Variants in CNTNAP5 observed in about 807,000 individuals in gnomAD.
CNTNAP5 encodes the protein contactin-associated protein-like 5.
In CNTNAP5, 72 loss-of-function variants were observed where a neutral mutation model predicts 150.2. The ratio of observed to expected loss-of-function variants is 0.48; its 90% CI spans 0.40 to 0.58. The LOEUF is 0.58. CNTNAP5 is among the 20% of genes least tolerant of loss of function. The pLI is 0.00. For missense variants in CNTNAP5, 1,636 were observed against 1,626.2 expected (o/e 1.01, Z -0.10); for synonymous variants, 672 against 619.8 (o/e 1.08, Z -1.25).
intron 10 of CNTNAP5, among the ~76,000 whole-genome samples, chr2:124,538,841 C>G (rs1695309289): frequency 1.3e-5 from 2 of 152,280 alleles, no homozygotes; most frequent in Non-Finnish European, 2.9e-5. Flanking sequence ...TAAAGAGATT[C>G]CTTGGTATTG....
At chr2:124,719,971 T>C (rs983025811) in intron 13 of CNTNAP5, among the ~76,000 whole-genome samples, 1 of 152,056 alleles carries the variant, frequency 6.6e-6, no homozygotes, top group African/African-American at 2.4e-5. Context: ...GGGAAAGCCA[T>C]GGAGAAAGAA....
intron 5 of CNTNAP5, among the ~76,000 whole-genome samples, chr2:124,437,723 T>C (rs1341383661): frequency 2.0e-5 from 3 of 152,104 alleles, no homozygotes; most frequent in Non-Finnish European, 4.4e-5. Flanking sequence ...ATAACATCCA[T>C]GATCAGGATT....
At chr2:124,085,632 T>C (rs1281174094) in intron 1 of CNTNAP5, among the ~76,000 whole-genome samples, 1 of 152,220 alleles carries the variant, frequency 6.6e-6, no homozygotes, top group Non-Finnish European at 1.5e-5. Flanking sequence ...TTCTAGTGCA[T>C]GCAGTTAGTC....
intron 13 of CNTNAP5, among the ~76,000 whole-genome samples, chr2:124,674,509 C>CTCTCTCTTTCTT (rs1678892533): frequency 8.7e-6 from 1 of 115,366 alleles, no homozygotes; most frequent in Non-Finnish European, 1.8e-5. Context: ...TTCTTTCTTT[C>CTCTCTCTTTCTT]TCTTTCTTTC....
At chr2:124,540,407 A>C (rs759716291) in intron 10 of CNTNAP5, among the ~76,000 whole-genome samples, 7 of 152,220 alleles carry the variant, frequency 4.6e-5, no homozygotes, top group Non-Finnish European at 1.0e-4. Flanking sequence ...ATGTGTTCAC[A>C]TGCAATATGA....
At chr2:124,267,602 GAT>G (rs1328007304) in intron 3 of CNTNAP5, among the ~76,000 whole-genome samples, 5 of 152,054 alleles carry the variant, frequency 3.3e-5, no homozygotes, top group African/African-American at 4.8e-5. Flanking sequence ...TATCAATTTT[GAT>G]TAAATTAGGG....
At chr2:124,041,178 C>T (rs1270568282) in intron 1 of CNTNAP5, among the ~76,000 whole-genome samples, 2 of 152,164 alleles carry the variant, frequency 1.3e-5, no homozygotes, top group Non-Finnish European at 2.9e-5. Context: ...GGGGAGAATG[C>T]ATAACTCTAT....
At chr2:124,362,860 A>G (rs1384787128) in intron 3 of CNTNAP5, among the ~76,000 whole-genome samples, 1 of 152,126 alleles carries the variant, frequency 6.6e-6, no homozygotes, top group East Asian at 1.9e-4. Context: ...ACTACATTCT[A>G]TTTTTTTGTT....
At chr2:124,215,258 T>C (rs1686124190) in intron 1 of CNTNAP5, among the ~76,000 whole-genome samples, 1 of 152,190 alleles carries the variant, frequency 6.6e-6, no homozygotes, top group Admixed American at 6.5e-5. Context: ...CAATTTACCG[T>C]GGTAATCAAG....
At chr2:124,456,101 A>G (rs1163217802) in intron 6 of CNTNAP5, among the ~76,000 whole-genome samples, 1 of 152,222 alleles carries the variant, frequency 6.6e-6, no homozygotes, top group Non-Finnish European at 1.5e-5. Context: ...AGTGCATCCA[A>G]AACAGTAAAA....
intron 6 of CNTNAP5, among the ~76,000 whole-genome samples, chr2:124,447,534 T>G (rs1692851732): frequency 6.6e-6 from 1 of 152,188 alleles, no homozygotes; most frequent in African/African-American, 2.4e-5. Context: ...AAGGAATGCA[T>G]GTTGTGCCCC....
chr2:124,463,767 C>A (rs1381729667), intron 6 of CNTNAP5, among the ~76,000 whole-genome samples: 9 of 152,146 alleles, frequency 5.9e-5, no homozygotes, highest in African/African-American at 2.2e-4. Context: ...TAGCCTGGGA[C>A]TTTTCATTGA....
At chr2:124,148,925 T>C (rs936643625) in intron 1 of CNTNAP5, among the ~76,000 whole-genome samples, 2 of 152,040 alleles carry the variant, frequency 1.3e-5, no homozygotes, top group Non-Finnish European at 2.9e-5. Flanking sequence ...CACACATATA[T>C]GTATGTATAT....
intron 1 of CNTNAP5, among the ~76,000 whole-genome samples, chr2:124,139,726 C>G (rs113858805): frequency 6.6e-6 from 1 of 151,908 alleles, no homozygotes; most frequent in Non-Finnish European, 1.5e-5. Context: ...ATTCTGTGCC[C>G]GATCATTGTT....
chr2:124,223,120 G>T (rs1686367778), intron 2 of CNTNAP5, among the ~76,000 whole-genome samples: 1 of 152,148 alleles, frequency 6.6e-6, no homozygotes, highest in Non-Finnish European at 1.5e-5. Flanking sequence ...TTACCTTCAG[G>T]TAGGGTTCCT....
intron 10 of CNTNAP5, among the ~76,000 whole-genome samples, chr2:124,560,738 G>A (rs6748545): frequency 0.41 from 61,759 of 151,692 alleles, 13,753 homozygotes; most frequent in East Asian, 0.96. Flanking sequence ...GGAAGTTCAC[G>A]GGTGCAATGA....
At chr2:124,694,241 A>C (rs1314688717) in intron 13 of CNTNAP5, among the ~76,000 whole-genome samples, 1 of 152,134 alleles carries the variant, frequency 6.6e-6, no homozygotes, top group Non-Finnish European at 1.5e-5. Flanking sequence ...GTTTTGTCTT[A>C]TTTTTAAACT....
At chr2:124,372,377 C>T (rs1407510045) in intron 3 of CNTNAP5, among the ~76,000 whole-genome samples, 5 of 151,980 alleles carry the variant, frequency 3.3e-5, no homozygotes, top group African/African-American at 2.4e-5. Context: ...TGGGACTTTG[C>T]TTTTGTAATC....
At chr2:124,335,753 T>C (rs1573923624) in intron 3 of CNTNAP5, among the ~76,000 whole-genome samples, 2 of 152,064 alleles carry the variant, frequency 1.3e-5, no homozygotes, top group South Asian at 4.2e-4. Context: ...CTTACCTTTT[T>C]GCCAGCTTGT....
Sources: allele counts gnomAD v4.1 joint callset (sites outside exome capture counted in the v4.1 genomes callset), GRCh38; gene constraint gnomAD v4.1.1; transcripts MANE v1.5; gene names NCBI Gene and HGNC (gene_info 2026-07-23, HGNC 2026-07-21).